The following YTHDF3 variants were observed in gnomAD, a reference collection of about 807,000 sequenced individuals.
YTHDF3 encodes the protein YTH N6-methyladenosine RNA binding protein F3, also known as YTH domain-containing family protein 3.
YTHDF3 carries 9 observed loss-of-function variants against 52.5 expected under a neutral mutation model. The observed-to-expected ratio is 0.17, with a 90% CI of 0.10 to 0.30. The LOEUF is 0.30. YTHDF3 is among the 10% of genes least tolerant of loss of function. The pLI is 1.00. For missense variants in YTHDF3, 534 were observed against 715.0 expected (o/e 0.75, Z 2.89); for synonymous variants, 274 against 243.3 (o/e 1.13, Z -1.18).
chr8:63,175,735 C>T lies in YTHDF3; in HGVS notation c.135+319C>T, dbSNP rs989680928. On this transcript the variant is annotated intron_variant, in intron 3 of 4. Coordinates refer to ENST00000539294, the MANE Select transcript of YTHDF3 (RefSeq NM_152758.6). ...TAATCTTTTAATGTCACTGCTATAT[C>T]TTCATAGCTTAAGCTAATTATAAAA... 5.1e-5 allele frequency: 9 copies of T among 176,360 alleles called. No individual in the cohort carries two copies. In the East Asian group the frequency reaches 8.4e-4, roughly 16 times the overall value. 10.9% of individuals were successfully genotyped at this position (176,360 alleles called of 1,614,324 possible).
At chr8:63,191,493 C>G (rs1405074973) in intron 4 of YTHDF3, among the ~76,000 whole-genome samples, 1 of 152,110 alleles carries the variant, frequency 6.6e-6, no homozygotes, top group African/African-American at 2.4e-5. Flanking sequence ...TTAATGGAAT[C>G]CCTTGATCCT....
chr8:63,192,281 T>C (rs1473395550), intron 4 of YTHDF3, among the ~76,000 whole-genome samples: 1 of 152,294 alleles, frequency 6.6e-6, no homozygotes, highest in East Asian at 1.9e-4. Context: ...AAGAGAATCA[T>C]TGAGTTCAGT....
chr8:63,212,702 T>TA lies in YTHDF3; in HGVS notation c.*2997dup, dbSNP rs1491579271. 6.6e-6 allele frequency: 1 copy of TA among 152,652 alleles called. No homozygotes were observed. The highest frequency in any genetic ancestry group is 1.5e-5 in the Non-Finnish European group (1 of 68,038). The allele number at this position is 152,652 out of a possible 1,614,324, so 9.5% of individuals were successfully genotyped here. On this transcript the variant is annotated 3_prime_UTR_variant, in exon 5 of 5. Coordinates refer to ENST00000539294, the MANE Select transcript of YTHDF3 (RefSeq NM_152758.6). ...TCATTCCTGTGAATGATGGTACAGT[T>TA]AGGTGAGATTTTCTGTTATGGTACC...
At chr8:63,194,354 A>C (rs1809101788) in intron 4 of YTHDF3, among the ~76,000 whole-genome samples, 1 of 152,124 alleles carries the variant, frequency 6.6e-6, no homozygotes. Flanking sequence ...GCATGGTGGC[A>C]CATGCCTGTA....
intron 4 of YTHDF3, among the ~76,000 whole-genome samples, chr8:63,189,299 C>T (rs1808763236): frequency 6.6e-6 from 1 of 152,108 alleles, no homozygotes; most frequent in East Asian, 1.9e-4. Context: ...AGAGTCAGTT[C>T]AACTAGGGAA....
intron 4 of YTHDF3, among the ~76,000 whole-genome samples, chr8:63,195,414 T>C (rs1431558003): frequency 1.3e-5 from 2 of 152,188 alleles, no homozygotes; most frequent in Admixed American, 1.3e-4. Flanking sequence ...GAGACATAAT[T>C]ATCAGAATTT....
At chr8:63,188,676 T>TAC (rs148263231) in intron 4 of YTHDF3, 1 of 81,202 alleles carries the variant, frequency 1.2e-5, no homozygotes, top group Non-Finnish European at 2.2e-5. Context: ...TATAAGAAAT[T>TAC]ACATATATAT....
intron 4 of YTHDF3, among the ~76,000 whole-genome samples, chr8:63,194,695 C>A (rs572974388): frequency 6.6e-6 from 1 of 152,202 alleles, no homozygotes; most frequent in African/African-American, 2.4e-5. Context: ...TCTTGCATAA[C>A]CACAATATTC....
chr8:63,173,663 C>G, intron 2 of YTHDF3: 1 of 985,150 alleles, frequency 1.0e-6, no homozygotes, highest in Non-Finnish European at 1.2e-6. Context: ...GCAGTAAAGC[C>G]AGTGTCAGAG....
intron 4 of YTHDF3, among the ~76,000 whole-genome samples, chr8:63,198,027 A>G (rs1809348785): frequency 6.6e-6 from 1 of 152,190 alleles, no homozygotes; most frequent in African/African-American, 2.4e-5. Context: ...AATAATTAAG[A>G]GTTTTCAATT....
intron 2 of YTHDF3, chr8:63,173,615 G>T (rs1357054555): frequency 2.0e-6 from 2 of 983,484 alleles, no homozygotes; most frequent in African/African-American, 3.5e-5. Flanking sequence ...TTTTTTTCAA[G>T]AAGTAATAGA....
At position 63,188,701 on chromosome 8, in the gene YTHDF3, A is replaced by ATATATATT. The variant is rs1355614739; in HGVS notation, c.1734+957_1734+958insATATATTT. 2.2e-3 allele frequency: 136 copies of ATATATATT among 61,470 alleles called. 2 individuals are homozygous for ATATATATT. The highest frequency in any genetic ancestry group is 9.9e-3 in the East Asian group (18 of 1,818). The allele number at this position is 61,470 out of a possible 1,614,324, so 3.8% of individuals were successfully genotyped here. On this transcript the variant is annotated intron_variant, in intron 4 of 4. Coordinates refer to ENST00000539294, the MANE Select transcript of YTHDF3 (RefSeq NM_152758.6). ...TACATATATATATATATATATATAT[A>ATATATATT]TTTTTTTTTTTTTTTTTTTTTTTCT...
chr8:63,181,903 T>C (rs1808163782), intron 3 of YTHDF3, among the ~76,000 whole-genome samples: 1 of 152,214 alleles, frequency 6.6e-6, no homozygotes, highest in Non-Finnish European at 1.5e-5. Context: ...ATGACATTTT[T>C]CTTATGACAT....
At chr8:63,181,199 T>C (rs560047359) in intron 3 of YTHDF3, among the ~76,000 whole-genome samples, 6 of 152,332 alleles carry the variant, frequency 3.9e-5, no homozygotes, top group African/African-American at 1.4e-4. Flanking sequence ...AGAAGTACTA[T>C]AGAGAATTAA....
chr8:63,183,485 C>G (rs1043998249), intron 3 of YTHDF3, among the ~76,000 whole-genome samples: 2 of 151,934 alleles, frequency 1.3e-5, no homozygotes, highest in African/African-American at 4.8e-5. Context: ...AGATTTTTTT[C>G]TTTAAAAACT....
chr8:63,182,487 C>A (rs868378796), intron 3 of YTHDF3, among the ~76,000 whole-genome samples: 1 of 152,044 alleles, frequency 6.6e-6, no homozygotes, highest in African/African-American at 2.4e-5. Flanking sequence ...CTGAATTATA[C>A]TATGGGTATA....
chr8:63,189,826 T>C lies in YTHDF3; in HGVS notation c.1734+2081T>C, dbSNP rs569569938. 5.3e-5 allele frequency among the ~76,000 whole-genome samples: 8 copies of C among 152,330 alleles called. No individual in the cohort carries two copies. In the East Asian group the frequency reaches 1.4e-3, roughly 26 times the overall value. ...GCTAGTTATTGATTGCTGTGTTGGATTGTTGGAAACTTTGCTTTGGAGTAA... is the reference window on the plus strand; with the variant it reads ...GCTAGTTATTGATTGCTGTGTTGGACTGTTGGAAACTTTGCTTTGGAGTAA... On this transcript the variant is annotated intron_variant, in intron 4 of 4. Coordinates refer to ENST00000539294, the MANE Select transcript of YTHDF3 (RefSeq NM_152758.6).
intron 4 of YTHDF3, among the ~76,000 whole-genome samples, chr8:63,191,574 GT>G (rs1190328420): frequency 6.6e-6 from 1 of 151,978 alleles, no homozygotes; most frequent in African/African-American, 2.4e-5. Flanking sequence ...TGTACTTAAT[GT>G]TTTTAGAAAC....
chr8:63,188,874 T>A (rs1215906442), intron 4 of YTHDF3: 1 of 151,054 alleles, frequency 6.6e-6, no homozygotes, highest in African/African-American at 2.4e-5. Flanking sequence ...CCACCATGCC[T>A]GCCAAATTTT....
Sources: gnomAD v4.1 joint callset for allele counts (sites outside exome capture counted in the v4.1 genomes callset) on GRCh38, gnomAD v4.1.1 for gene constraint, MANE v1.5 for transcripts, NCBI Gene and HGNC (gene_info 2026-07-23, HGNC 2026-07-21) for gene names.